Variants in SYT13 observed in about 807,000 individuals in gnomAD.
SYT13 encodes synaptotagmin 13, also known as synaptotagmin-13.
Under a neutral mutation model 38.6 loss-of-function variants are expected in SYT13, and 21 were observed. That is an observed-to-expected ratio of 0.54 (90% CI 0.39 to 0.78). The LOEUF (loss-of-function observed/expected upper bound fraction) is 0.78. SYT13 is among the 30% of genes least tolerant of loss of function. The pLI is 0.00. For missense variants in SYT13, 495 were observed against 548.7 expected (o/e 0.90, Z 0.98); for synonymous variants, 241 against 237.6 (o/e 1.01, Z -0.13).
At chr11:45,271,165 G>A (rs780547955) in intron 1 of SYT13, among the ~76,000 whole-genome samples, 7 of 152,206 alleles carry the variant, frequency 4.6e-5, no homozygotes, top group Admixed American at 2.6e-4. Context: ...CAGACACAGG[G>A]TGTTTGTTCA....
chr11:45,266,503 TAC>T (rs68112111), intron 1 of SYT13, among the ~76,000 whole-genome samples: 11,738 of 147,240 alleles, frequency 0.08, 837 homozygotes, highest in African/African-American at 0.2. Flanking sequence ...CCCTCTCAAA[TAC>T]ACACACACAC....
At chr11:45,284,788 G>C (rs1049545470) in intron 1 of SYT13, among the ~76,000 whole-genome samples, 1 of 152,180 alleles carries the variant, frequency 6.6e-6, no homozygotes, top group African/African-American at 2.4e-5. Flanking sequence ...CTGGCCAGTG[G>C]AAAGCCCACT....
rs562928729 is a variant in SYT13 at position 45,273,546 on chromosome 11, G to T, written c.183+12479C>A. Among the ~76,000 whole-genome samples the T allele has an allele frequency of 1.4e-3, 216 of 152,064 alleles. 2 individuals are homozygous for T. The highest frequency in any genetic ancestry group is 4.9e-3 in the African/African-American group (203 of 41,470). The stretch of plus-strand genomic sequence containing the variant: ...GGGTTGACGGGGGAGCATTTAGGGG[G>T]TTCTGGAGGCACAAGGAGATGACTT... On this transcript the variant is annotated intron_variant, in intron 1 of 5. Transcript: ENST00000020926.
chr11:45,271,422 A>AGT (rs1156557755), intron 1 of SYT13, among the ~76,000 whole-genome samples: 1 of 152,178 alleles, frequency 6.6e-6, no homozygotes, highest in East Asian at 1.9e-4. Context: ...ACAATGAGAG[A>AGT]GAGAGAGAGG....
At chr11:45,258,342 G>C (rs1281727533) in intron 1 of SYT13, 2 of 152,122 alleles carry the variant, frequency 1.3e-5, no homozygotes, top group Non-Finnish European at 2.9e-5. Flanking sequence ...CCCACTGAGA[G>C]TGTCACTGGC....
Position 45,246,391 on chromosome 11 carries a change from A to G in SYT13, c.968T>C (p.Leu323Pro), listed in dbSNP as rs1854613963. Residue 323 changes from leucine to proline, a missense_variant, in exon 5 of 6, where the codon CTG becomes CCG. Coordinates refer to ENST00000020926, the MANE Select transcript of SYT13 (RefSeq NM_020826.3). ...TCTCACATCTCACTCACCCTTCCCC[A>G]GGAGCTCCTTGGACTGGTTAGAGTG... ...NLHSNQSKEL[L>P]GKDVSVKVTL... 1 of 1,613,594 alleles carries G rather than the reference A, an allele frequency of 6.2e-7. No individual in the cohort carries two copies. The highest frequency in any genetic ancestry group is 1.3e-5 in the African/African-American group (1 of 74,872).
chr11:45,244,301 C>T lies in SYT13; in HGVS notation c.1032G>A (p.Gln344=). ...KHQARKLKKK[Q]TKRAKHKINP... is the part of the protein sequence containing the mutation. ...TGATCTTGTGCTTAGCTCGTTTAGT[C>T]TGCTTCTTCTTCAGCTTCCGAGCCT... Residue 344 remains glutamine, a synonymous_variant, in exon 6 of 6, where the codon CAG becomes CAA. Transcript: ENST00000020926. 1 of 1,614,028 alleles carries T rather than the reference C, an allele frequency of 6.2e-7. No homozygotes were observed. Among genetic ancestry groups the T allele is most frequent in the Non-Finnish European group, 8.5e-7 (1 of 1,180,028 alleles).
chr11:45,271,831 C>G (rs1465494834), intron 1 of SYT13, among the ~76,000 whole-genome samples: 2 of 152,104 alleles, frequency 1.3e-5, no homozygotes, highest in Non-Finnish European at 2.9e-5. Context: ...AGAGCTGCCT[C>G]AAGAAAAATA....
At chr11:45,272,297 A>G (rs1172771847) in intron 1 of SYT13, among the ~76,000 whole-genome samples, 2 of 152,216 alleles carry the variant, frequency 1.3e-5, no homozygotes, top group Non-Finnish European at 2.9e-5. Context: ...TACCTATGTA[A>G]CAAACCTGCA....
intron 1 of SYT13, chr11:45,269,320 TA>T (rs143823415): frequency 2.4e-5 from 16 of 656,882 alleles, no homozygotes; most frequent in African/African-American, 6.0e-5. Context: ...AAACAATTAT[TA>T]AAAAAACAAA....
At chr11:45,280,622 G>C (rs527958665) in intron 1 of SYT13, among the ~76,000 whole-genome samples, 5 of 152,248 alleles carry the variant, frequency 3.3e-5, no homozygotes, top group African/African-American at 1.2e-4. Context: ...CATGAACAAA[G>C]CCCAGAAGCT....
At chr11:45,269,414 T>G in intron 1 of SYT13, 1 of 1,219,284 alleles carries the variant, frequency 8.2e-7, no homozygotes, top group Non-Finnish European at 1.0e-6. Context: ...TACCTAGAGA[T>G]TTCCTTCTTG....
intron 1 of SYT13, among the ~76,000 whole-genome samples, chr11:45,285,345 A>T (rs1424064650): frequency 6.6e-6 from 1 of 152,192 alleles, no homozygotes; most frequent in Non-Finnish European, 1.5e-5. Context: ...GTCTCCAGGG[A>T]CGTCTGCAGA....
At chr11:45,282,678 A>G (rs1051317592) in intron 1 of SYT13, among the ~76,000 whole-genome samples, 1 of 152,250 alleles carries the variant, frequency 6.6e-6, no homozygotes, top group Admixed American at 6.5e-5. Context: ...CCTTGGGGAC[A>G]AAGTCACAGG....
At chr11:45,269,828 T>C (rs1854927619) in intron 1 of SYT13, among the ~76,000 whole-genome samples, 1 of 152,230 alleles carries the variant, frequency 6.6e-6, no homozygotes, top group Admixed American at 6.5e-5. Context: ...AAAGTTTGAA[T>C]CATTGTTTTT....
Position 45,243,056 on chromosome 11 carries a change from G to A in SYT13, c.*996C>T, listed in dbSNP as rs1363111334. 3.3e-5 allele frequency: 5 copies of A among 152,152 alleles called. No homozygotes were observed. The highest frequency in any genetic ancestry group is 7.2e-5 in the African/African-American group (3 of 41,438). 9.4% of individuals were successfully genotyped at this position (152,152 alleles called of 1,614,324 possible). On this transcript the variant is annotated 3_prime_UTR_variant, in exon 6 of 6. Coordinates refer to ENST00000020926, the MANE Select transcript of SYT13 (RefSeq NM_020826.3). Reference sequence around the variant, plus strand: ...TGAAGTGACTGGAACGCTGAGAAGGGACCGGTCTATCTCAGAGTCACTTTG... The same window carrying A: ...TGAAGTGACTGGAACGCTGAGAAGGAACCGGTCTATCTCAGAGTCACTTTG...
intron 1 of SYT13, among the ~76,000 whole-genome samples, chr11:45,282,990 TA>T (rs1054165787): frequency 6.6e-6 from 1 of 151,688 alleles, no homozygotes; most frequent in Non-Finnish European, 1.5e-5. Context: ...CTACAAAACA[TA>T]AAAAAAATTA....
chr11:45,267,969 C>T (rs1854905778), intron 1 of SYT13, among the ~76,000 whole-genome samples: 2 of 152,150 alleles, frequency 1.3e-5, no homozygotes, highest in Admixed American at 6.5e-5. Context: ...CCGCCTCCCT[C>T]GTAGCTCACC....
At chr11:45,271,523 G>T (rs1464312060) in intron 1 of SYT13, among the ~76,000 whole-genome samples, 1 of 152,158 alleles carries the variant, frequency 6.6e-6, no homozygotes, top group Non-Finnish European at 1.5e-5. Context: ...GGCTGGGGTT[G>T]GAGAAATGGA....
Sources: gnomAD v4.1 joint callset for allele counts (sites outside exome capture counted in the v4.1 genomes callset) on GRCh38, gnomAD v4.1.1 for gene constraint, MANE v1.5 for transcripts, NCBI Gene and HGNC (gene_info 2026-07-23, HGNC 2026-07-21) for gene names.